SLCO1B3: variants seen among roughly 807,000 people sequenced by gnomAD.
The protein encoded by SLCO1B3 is liver-specific organic anion transporter 2.
Under a neutral mutation model 71.8 loss-of-function variants are expected in SLCO1B3, and 72 were observed. The observed-to-expected ratio is 1.00, with a 90% CI of 0.83 to 1.22. The LOEUF is 1.22. SLCO1B3 is among the 50% of genes most tolerant of loss of function. The probability of loss-of-function intolerance (pLI) is 0.00; values close to 1 mark genes in which losing one functional copy is unlikely to be tolerated. For missense variants in SLCO1B3, 911 were observed against 819.7 expected, an observed-to-expected ratio of 1.11 and a Z score of -1.36; for synonymous variants, 298 against 278.4, an observed-to-expected ratio of 1.07 and a Z score of -0.70.
intron 3 of SLCO1B3, among the ~76,000 whole-genome samples, chr12:20,826,514 A>G (rs751907064): frequency 5.9e-5 from 9 of 152,134 alleles, no homozygotes; most frequent in Non-Finnish European, 1.0e-4. Context: ...TGGAATGACT[A>G]TTATAAATAA....
At position 20,850,518 on chromosome 12, in the gene SLCO1B3, G is replaced by A. The variant is rs567228718; in HGVS notation, c.85-4510G>A. ...AGGATGGTCTCGATCTCCTGACCTC[G>A]TGATCCACCCGCCTCGGCCTCCCAA... On this transcript the variant is annotated intron_variant, in intron 3 of 15. Transcript: ENST00000381545. Among the ~76,000 whole-genome samples the A allele has an allele frequency of 1.1e-3, 165 of 152,112 alleles. 1 individual carries two copies. Among genetic ancestry groups the A allele is most frequent in the South Asian group, 1.9e-3 (9 of 4,822 alleles).
At chr12:20,906,521 A>C (rs1866248813) in intron 15 of SLCO1B3, among the ~76,000 whole-genome samples, 1 of 152,214 alleles carries the variant, frequency 6.6e-6, no homozygotes, top group South Asian at 2.1e-4. Context: ...ATATTCCTTC[A>C]TCAGTTTTAA....
chr12:20,843,254 GAC>G (rs1177964715), intron 3 of SLCO1B3, among the ~76,000 whole-genome samples: 1 of 151,744 alleles, frequency 6.6e-6, no homozygotes, highest in East Asian at 1.9e-4. Context: ...TTTTTTAAAA[GAC>G]AATTACAAAA....
At chr12:20,823,161 T>C (rs1219782780) in intron 3 of SLCO1B3, among the ~76,000 whole-genome samples, 1 of 152,158 alleles carries the variant, frequency 6.6e-6, no homozygotes, top group Non-Finnish European at 1.5e-5. Context: ...CTGAAGTGTG[T>C]TGTCAGTAGG....
intron 3 of SLCO1B3, among the ~76,000 whole-genome samples, chr12:20,826,630 C>T (rs1864428190): frequency 6.6e-6 from 1 of 151,116 alleles, no homozygotes; most frequent in Non-Finnish European, 1.5e-5. Context: ...TATGCTTGGA[C>T]TTTCTGTGTT....
chr12:20,871,437 T>C (rs1039774814), intron 8 of SLCO1B3, among the ~76,000 whole-genome samples: 4 of 152,140 alleles, frequency 2.6e-5, no homozygotes, highest in African/African-American at 9.7e-5. Context: ...TTTGGTGAGG[T>C]CATGTTTTCC....
chr12:20,859,457 T>A (rs922635692), intron 5 of SLCO1B3, among the ~76,000 whole-genome samples: 5 of 152,036 alleles, frequency 3.3e-5, no homozygotes, highest in African/African-American at 4.8e-5. Flanking sequence ...CCAGCAATCA[T>A]GCCTGTTGGT....
Position 20,862,753 on chromosome 12 carries a change from C to T in SLCO1B3, c.629-3C>T. 1 of 1,599,420 alleles carries T rather than the reference C, an allele frequency of 6.3e-7. No homozygotes were observed. The highest frequency in any genetic ancestry group is 1.1e-5 in the South Asian group (1 of 88,844). ...TGATTAAATTGTTTTGTAATACTTA[C>T]AGGTAGTTTGAATGCAATAGGAATG... On this transcript the variant is annotated splice_region_variant and splice_polypyrimidine_tract_variant and intron_variant, in intron 7 of 15. Coordinates refer to ENST00000381545, the MANE Select transcript of SLCO1B3 (RefSeq NM_019844.4).
intron 13 of SLCO1B3, among the ~76,000 whole-genome samples, chr12:20,888,965 AAG>A (rs1865848244): frequency 6.6e-6 from 1 of 152,050 alleles, no homozygotes; most frequent in Non-Finnish European, 1.5e-5. Flanking sequence ...TTTTTGAAAA[AAG>A]ATTTCTGTTA....
At chr12:20,910,187 C>G (rs1175587476) in intron 15 of SLCO1B3, among the ~76,000 whole-genome samples, 1 of 152,082 alleles carries the variant, frequency 6.6e-6, no homozygotes, top group East Asian at 1.9e-4. Context: ...TCTAATTGTT[C>G]CAGCACCATT....
At chr12:20,871,215 C>T (rs1865469280) in intron 8 of SLCO1B3, among the ~76,000 whole-genome samples, 1 of 152,028 alleles carries the variant, frequency 6.6e-6, no homozygotes, top group Admixed American at 6.6e-5. Context: ...TGGAAATATT[C>T]CCTGCTCCTC....
At chr12:20,870,022 C>T (rs770776255) in intron 8 of SLCO1B3, among the ~76,000 whole-genome samples, 17 of 152,194 alleles carry the variant, frequency 1.1e-4, no homozygotes, top group Non-Finnish European at 1.9e-4. Context: ...TTGATAATAG[C>T]CATCCTAATG....
chr12:20,885,820 G>A (rs1461642014), intron 13 of SLCO1B3, among the ~76,000 whole-genome samples: 1 of 151,932 alleles, frequency 6.6e-6, no homozygotes, highest in Non-Finnish European at 1.5e-5. Context: ...AGGCTTTGGA[G>A]CTTATTCTAA....
At chr12:20,910,374 G>A (rs1866348920) in intron 15 of SLCO1B3, among the ~76,000 whole-genome samples, 1 of 152,154 alleles carries the variant, frequency 6.6e-6, no homozygotes, top group Non-Finnish European at 1.5e-5. Context: ...AAGTCTTGAG[G>A]TCAGGTAGTA....
At chr12:20,891,487 G>T (rs1019469188) in intron 13 of SLCO1B3, among the ~76,000 whole-genome samples, 1 of 152,002 alleles carries the variant, frequency 6.6e-6, no homozygotes, top group Admixed American at 6.5e-5. Flanking sequence ...GTAGTCTGAT[G>T]ACTATATGTC....
intron 3 of SLCO1B3, among the ~76,000 whole-genome samples, chr12:20,836,986 T>TA (rs1864696896): frequency 6.6e-6 from 1 of 152,224 alleles, no homozygotes; most frequent in Admixed American, 6.5e-5. Context: ...TCTAATTTCT[T>TA]AAACAGATAA....
At chr12:20,882,484 G>A (rs7956538) in intron 12 of SLCO1B3, among the ~76,000 whole-genome samples, 110,049 of 151,920 alleles carry the variant, frequency 0.72, 42,446 homozygotes, top group South Asian at 0.9. Context: ...GCTCACTGCA[G>A]CCTCCACCTC....
chr12:20,895,092 C>T (rs3858671), intron 13 of SLCO1B3, among the ~76,000 whole-genome samples: 80,616 of 152,010 alleles, frequency 0.53, 24,076 homozygotes, highest in South Asian at 0.77. Flanking sequence ...ATTCAATGAT[C>T]TCCCACTGGG....
intron 13 of SLCO1B3, among the ~76,000 whole-genome samples, chr12:20,891,209 T>A (rs1865895869): frequency 6.6e-6 from 1 of 152,130 alleles, no homozygotes; most frequent in Non-Finnish European, 1.5e-5. Context: ...GTAGAGTCAG[T>A]CTGTTTGCGA....
Sources: gnomAD v4.1 joint callset for allele counts (sites outside exome capture counted in the v4.1 genomes callset) on GRCh38, gnomAD v4.1.1 for gene constraint, MANE v1.5 for transcripts, NCBI Gene and HGNC (gene_info 2026-07-23, HGNC 2026-07-21) for gene names.